CAP2: variants seen among roughly 807,000 people sequenced by gnomAD.
CAP2 encodes the protein adenylyl cyclase-associated protein 2.
In CAP2, 24 loss-of-function variants were observed where a neutral mutation model predicts 57.7. The observed-to-expected ratio is 0.42, with a 90% CI of 0.30 to 0.58. The LOEUF (loss-of-function observed/expected upper bound fraction) is 0.58. Ranked by LOEUF, CAP2 falls within the 20% of genes least tolerant of loss-of-function variation. CAP2 has a pLI of 0.22. For synonymous variants in CAP2, 194 were observed against 207.2 expected, an observed-to-expected ratio of 0.94 and a Z score of 0.55; for missense variants, 501 against 590.3, an observed-to-expected ratio of 0.85 and a Z score of 1.57.
At chr6:17,514,540 A>T (rs1043509737) in intron 7 of CAP2, among the ~76,000 whole-genome samples, 2 of 152,146 alleles carry the variant, frequency 1.3e-5, no homozygotes, top group Non-Finnish European at 2.9e-5. Flanking sequence ...ACCTGAGGTC[A>T]GGAGTTTGAG....
chr6:17,470,040 G>C (rs906631071), intron 4 of CAP2, among the ~76,000 whole-genome samples: 1 of 152,198 alleles, frequency 6.6e-6, no homozygotes, highest in Non-Finnish European at 1.5e-5. Context: ...ATTTGTGAGG[G>C]TTGTCAAGAG....
Position 17,549,723 on chromosome 6 carries a change from C to T in CAP2, c.1210-1741C>T, listed in dbSNP as rs75264229. Reference sequence around the variant, plus strand: ...CTGAATCTTATGCCTACAGGAACTACAATTTGAGGATTGCCTATATACTAA... The same window carrying T: ...CTGAATCTTATGCCTACAGGAACTATAATTTGAGGATTGCCTATATACTAA... On this transcript the variant is annotated intron_variant, in intron 11 of 12. Transcript: ENST00000229922. Among the ~76,000 whole-genome samples the T allele has an allele frequency of 4.2e-3, 641 of 152,280 alleles. 7 individuals are homozygous for T. Among genetic ancestry groups the T allele is most frequent in the African/African-American group, 0.014 (602 of 41,550 alleles).
intron 4 of CAP2, among the ~76,000 whole-genome samples, chr6:17,502,569 CTT>C (rs1229589652): frequency 6.6e-6 from 1 of 151,840 alleles, no homozygotes; most frequent in Non-Finnish European, 1.5e-5. Context: ...CAAAAGAAAA[CTT>C]TCTCAATCTT....
At chr6:17,400,645 C>T (rs549770817) in intron 1 of CAP2, among the ~76,000 whole-genome samples, 65 of 152,114 alleles carry the variant, frequency 4.3e-4, no homozygotes, top group African/African-American at 1.5e-3. Flanking sequence ...GGGCAGATCA[C>T]AAGGTCAGGA....
chr6:17,495,475 A>G (rs1367260617), intron 4 of CAP2, among the ~76,000 whole-genome samples: 2 of 152,224 alleles, frequency 1.3e-5, no homozygotes, highest in African/African-American at 2.4e-5. Context: ...CATAGAAAGT[A>G]GTTCTGGTTG....
intron 1 of CAP2, among the ~76,000 whole-genome samples, chr6:17,404,770 C>CAA (rs554588058): frequency 8.0e-4 from 46 of 57,154 alleles, no homozygotes; most frequent in East Asian, 2.9e-3. Context: ...GACTCCATCT[C>CAA]AAAAAAAAAA....
intron 7 of CAP2, among the ~76,000 whole-genome samples, chr6:17,524,118 A>G (rs1762448498): frequency 6.6e-6 from 1 of 151,318 alleles, no homozygotes; most frequent in Admixed American, 6.6e-5. Context: ...TTTTCCTGTA[A>G]TGATCTCTTG....
intron 3 of CAP2, among the ~76,000 whole-genome samples, chr6:17,429,917 C>T (rs1759684062): frequency 3.3e-5 from 5 of 152,216 alleles, no homozygotes; most frequent in Admixed American, 3.3e-4. Context: ...CAGCTGTTGC[C>T]TCTCACATCA....
At chr6:17,405,454 A>G (rs1179084459) in intron 1 of CAP2, among the ~76,000 whole-genome samples, 1 of 152,146 alleles carries the variant, frequency 6.6e-6, no homozygotes, top group Non-Finnish European at 1.5e-5. Flanking sequence ...AATAAACTAG[A>G]ACTTCATTGC....
intron 3 of CAP2, among the ~76,000 whole-genome samples, chr6:17,456,903 G>A (rs1314535558): frequency 1.3e-5 from 2 of 152,116 alleles, no homozygotes; most frequent in Non-Finnish European, 2.9e-5. Context: ...GCAAAGCTTT[G>A]ATGAGTATCC....
intron 4 of CAP2, among the ~76,000 whole-genome samples, chr6:17,491,286 C>T (rs551752870): frequency 1.3e-5 from 2 of 152,008 alleles, no homozygotes; most frequent in Admixed American, 6.6e-5. Context: ...AAGTTTCCAC[C>T]CCATTCTAAA....
At chr6:17,473,599 G>T (rs192990295) in intron 4 of CAP2, among the ~76,000 whole-genome samples, 35 of 152,308 alleles carry the variant, frequency 2.3e-4, no homozygotes, top group African/African-American at 7.7e-4. Context: ...CCTTAACTTA[G>T]ATCCTCTTTG....
intron 3 of CAP2, among the ~76,000 whole-genome samples, chr6:17,432,653 T>G (rs1262843626): frequency 1.3e-5 from 2 of 152,194 alleles, no homozygotes; most frequent in East Asian, 3.9e-4. Context: ...CCATTAATGA[T>G]AGCCAGAATT....
chr6:17,408,905 G>A (rs2113514218), intron 1 of CAP2, among the ~76,000 whole-genome samples: 1 of 151,440 alleles, frequency 6.6e-6, no homozygotes, highest in African/African-American at 2.4e-5. Flanking sequence ...TCCTGACCTT[G>A]TGATCCGCCA....
chr6:17,473,879 A>G (rs1339414412), intron 4 of CAP2, among the ~76,000 whole-genome samples: 1 of 152,234 alleles, frequency 6.6e-6, no homozygotes. Flanking sequence ...TTTAATTTGT[A>G]TATTTAGCTC....
intron 2 of CAP2, among the ~76,000 whole-genome samples, 200 bp downstream of exon 2, chr6:17,421,876 C>A (rs1010275320): frequency 1.3e-5 from 2 of 152,244 alleles, no homozygotes; most frequent in Non-Finnish European, 1.5e-5. Flanking sequence ...CAATCCACAA[C>A]AATTATCAGT....
intron 7 of CAP2, chr6:17,531,644 G>C (rs1762643542): frequency 3.6e-6 from 4 of 1,111,596 alleles, no homozygotes; most frequent in Non-Finnish European, 4.0e-6. Flanking sequence ...CATGGTTCCA[G>C]CCAGAAAAAG....
chr6:17,424,077 T>C (rs1319199009), intron 2 of CAP2, among the ~76,000 whole-genome samples: 1 of 151,446 alleles, frequency 6.6e-6, no homozygotes, highest in Non-Finnish European at 1.5e-5. Flanking sequence ...CAAAAGTTAT[T>C]TTTTTTTTAA....
intron 4 of CAP2, among the ~76,000 whole-genome samples, chr6:17,488,319 T>G (rs1187215692): frequency 6.6e-6 from 1 of 152,152 alleles, no homozygotes; most frequent in African/African-American, 2.4e-5. Context: ...CCCTTCAGAT[T>G]TCTTCTCATC....
Sources: allele counts gnomAD v4.1 joint callset (sites outside exome capture counted in the v4.1 genomes callset), GRCh38; gene constraint gnomAD v4.1.1; transcripts MANE v1.5; gene names NCBI Gene and HGNC (gene_info 2026-07-23, HGNC 2026-07-21).